The following ELP4 variants were observed in gnomAD, a reference collection of about 807,000 sequenced individuals.
ELP4 encodes elongator complex protein 4.
ELP4 carries 51 observed loss-of-function variants against 48.9 expected under a neutral mutation model. The ratio of observed to expected loss-of-function variants is 1.04; its 90% CI spans 0.83 to 1.32. The LOEUF (loss-of-function observed/expected upper bound fraction) is 1.32, where lower values mean the gene tolerates loss of function less well. Among genes scored for constraint, ELP4 ranks in the 40% most tolerant of loss-of-function variants. The pLI, the probability that ELP4 is intolerant of heterozygous loss-of-function variation, is 0.00. For missense variants in ELP4, 519 were observed against 514.6 expected (o/e 1.01, Z -0.08); for synonymous variants, 210 against 189.2 (o/e 1.11, Z -0.90).
intron 9 of ELP4, among the ~76,000 whole-genome samples, chr11:31,686,340 T>G (rs1448777527): frequency 6.6e-6 from 1 of 151,198 alleles, no homozygotes. Flanking sequence ...TTTTTTTTTT[T>G]TTTTTGGTAT....
intron 9 of ELP4, chr11:31,653,422 C>G (rs1300692767): frequency 6.6e-6 from 1 of 151,718 alleles, no homozygotes; most frequent in African/African-American, 2.4e-5. Flanking sequence ...TTTACCTAAC[C>G]TTGCCTAACC....
intron 3 of ELP4, among the ~76,000 whole-genome samples, chr11:31,576,864 A>G (rs554093319): frequency 2.0e-5 from 3 of 152,332 alleles, no homozygotes; most frequent in Admixed American, 6.5e-5. Context: ...TGACACCCTA[A>G]CATCACAATT....
At chr11:31,649,875 G>A in intron 8 of ELP4, 2 of 343,046 alleles carry the variant, frequency 5.8e-6, no homozygotes, top group Non-Finnish European at 1.0e-5. Context: ...CTTTACATCT[G>A]TACTTCTGTA....
At chr11:31,635,467 T>C (rs1009768261) in intron 7 of ELP4, among the ~76,000 whole-genome samples, 1 of 151,932 alleles carries the variant, frequency 6.6e-6, no homozygotes, top group Non-Finnish European at 1.5e-5. Context: ...TACCATAATC[T>C]TAACGCCACT....
chr11:31,784,219 C>T lies in ELP4; in HGVS notation c.*695C>T, dbSNP rs926615986. The stretch of plus-strand genomic sequence containing the variant: ...CATTCAGGATTGAAATTCAAACTGA[C>T]AGCTACATTAATGCTAGGATACCAG... On this transcript the variant is annotated 3_prime_UTR_variant, in exon 10 of 10. Coordinates refer to ENST00000640961, the MANE Select transcript of ELP4 (RefSeq NM_019040.5). 1.3e-5 allele frequency: 2 copies of T among 152,132 alleles called. No homozygotes were observed. The highest frequency in any genetic ancestry group is 4.8e-5 in the African/African-American group (2 of 41,430). 9.4% of individuals were successfully genotyped at this position (152,132 alleles called of 1,614,324 possible).
At chr11:31,620,652 G>A (rs1455829852) in intron 5 of ELP4, among the ~76,000 whole-genome samples, 2 of 151,968 alleles carry the variant, frequency 1.3e-5, no homozygotes, top group Admixed American at 6.6e-5. Flanking sequence ...ACAGTGAAGG[G>A]TAGTAGGAGA....
intron 9 of ELP4, chr11:31,714,562 T>A (rs1592247083): frequency 5.0e-6 from 2 of 397,992 alleles, no homozygotes; most frequent in East Asian, 7.1e-5. Flanking sequence ...TTTCTATTGC[T>A]GCTATGAAAA....
chr11:31,638,160 C>G (rs1406900382), intron 7 of ELP4, among the ~76,000 whole-genome samples: 2 of 151,724 alleles, frequency 1.3e-5, no homozygotes, highest in Non-Finnish European at 2.9e-5. Flanking sequence ...ATAGTCTGCA[C>G]TTTTAAGGAA....
chr11:31,608,039 AT>A (rs35425354), intron 5 of ELP4, among the ~76,000 whole-genome samples: 92,642 of 146,094 alleles, frequency 0.63, 31,099 homozygotes, highest in Non-Finnish European at 0.76. Context: ...AGAGTTTGCA[AT>A]TTTTTTTTTT....
At chr11:31,612,573 G>GCTGAAGAAAAACAA (rs1424447151) in intron 5 of ELP4, among the ~76,000 whole-genome samples, 31 of 152,206 alleles carry the variant, frequency 2.0e-4, no homozygotes, top group African/African-American at 7.0e-4. Flanking sequence ...TGAACTTTAG[G>GCTGAAGAAAAACAA]CTGAAGAAAA....
chr11:31,636,072 T>A (rs981718023), intron 7 of ELP4, among the ~76,000 whole-genome samples: 1 of 152,012 alleles, frequency 6.6e-6, no homozygotes, highest in African/African-American at 2.4e-5. Context: ...TGAATGACTG[T>A]GGGTAAGTTA....
intron 9 of ELP4, among the ~76,000 whole-genome samples, chr11:31,694,416 G>A (rs1404559145): frequency 6.6e-6 from 1 of 152,160 alleles, no homozygotes; most frequent in Non-Finnish European, 1.5e-5. Flanking sequence ...TTATTGAATA[G>A]GGAATCCTTT....
intron 9 of ELP4, among the ~76,000 whole-genome samples, chr11:31,773,273 C>T (rs989374286): frequency 3.3e-5 from 5 of 152,126 alleles, no homozygotes; most frequent in Admixed American, 1.3e-4. Context: ...TCTAGGATTC[C>T]GTTGCAAGAA....
chr11:31,552,418 T>C (rs1031329040), intron 3 of ELP4, among the ~76,000 whole-genome samples: 59 of 152,278 alleles, frequency 3.9e-4, no homozygotes, highest in African/African-American at 1.4e-3. Flanking sequence ...TCCAGCTCCC[T>C]ACAGTACATA....
intron 9 of ELP4, among the ~76,000 whole-genome samples, chr11:31,670,341 C>T (rs184875301): frequency 6.6e-6 from 1 of 152,118 alleles, no homozygotes; most frequent in Non-Finnish European, 1.5e-5. Context: ...CATGGGCTTA[C>T]ATATTCATTG....
intron 3 of ELP4, among the ~76,000 whole-genome samples, chr11:31,590,572 C>T (rs898307165): frequency 2.0e-5 from 3 of 152,082 alleles, no homozygotes; most frequent in African/African-American, 4.8e-5. Context: ...TGGGTGTATT[C>T]GGCCATTCTC....
At chr11:31,725,449 C>T (rs910654725) in intron 9 of ELP4, among the ~76,000 whole-genome samples, 1 of 152,174 alleles carries the variant, frequency 6.6e-6, no homozygotes, top group Non-Finnish European at 1.5e-5. Flanking sequence ...ACCACCACCC[C>T]TTCTCTCTGC....
At chr11:31,634,044 A>G (rs917906574) in intron 7 of ELP4, 1 of 152,050 alleles carries the variant, frequency 6.6e-6, no homozygotes, top group African/African-American at 2.4e-5. Context: ...TGCAAAGACA[A>G]CTATACTGAA....
chr11:31,520,595 A>G (rs1428077579), intron 2 of ELP4, among the ~76,000 whole-genome samples: 3 of 152,102 alleles, frequency 2.0e-5, no homozygotes, highest in African/African-American at 7.2e-5. Context: ...TTTAGTATAT[A>G]TAGGTCACAG....
Sources: allele counts gnomAD v4.1 joint callset (sites outside exome capture counted in the v4.1 genomes callset), GRCh38; gene constraint gnomAD v4.1.1; transcripts MANE v1.5; gene names NCBI Gene and HGNC (gene_info 2026-07-23, HGNC 2026-07-21).